The following RIMBP2 variants were observed in gnomAD, a reference collection of about 807,000 sequenced individuals.
RIMBP2 encodes RIMS binding protein 2.
Under a neutral mutation model 118.6 loss-of-function variants are expected in RIMBP2, and 48 were observed. That is an observed-to-expected ratio of 0.40 (90% confidence interval 0.32 to 0.51). The LOEUF (loss-of-function observed/expected upper bound fraction) is 0.51. RIMBP2 is among the 20% of genes least tolerant of loss of function. RIMBP2 has a pLI of 0.41. For synonymous variants in RIMBP2, 762 were observed against 742.9 expected (o/e 1.03, Z -0.42); for missense variants, 1,551 against 1,768.3 (o/e 0.88, Z 2.20).
chr12:130,414,039 T>C, intron 18 of RIMBP2, 86 bp downstream of exon 18: 1 of 1,403,006 alleles, frequency 7.1e-7, no homozygotes, highest in African/African-American at 1.4e-5. Flanking sequence ...CATCTCTAAG[T>C]CGATACCCTG....
intron 21 of RIMBP2, among the ~76,000 whole-genome samples, chr12:130,404,805 G>A (rs1327927162): frequency 6.6e-6 from 1 of 152,054 alleles, no homozygotes; most frequent in Non-Finnish European, 1.5e-5. Context: ...TTTACAAAAT[G>A]TTCCCTCCCA....
intron 3 of RIMBP2, among the ~76,000 whole-genome samples, chr12:130,508,258 C>T (rs1041066780): frequency 1.3e-5 from 2 of 151,906 alleles, no homozygotes; most frequent in Non-Finnish European, 2.9e-5. Context: ...ACACGGTGAC[C>T]AGCACCATCT....
intron 1 of RIMBP2, among the ~76,000 whole-genome samples, chr12:130,635,106 G>A (rs1341463809): frequency 1.3e-5 from 2 of 152,124 alleles, no homozygotes; most frequent in African/African-American, 4.8e-5. Context: ...CTCCTTCCAG[G>A]GTTTCTTGAG....
chr12:130,401,665 C>G (rs1038700434), intron 21 of RIMBP2, among the ~76,000 whole-genome samples: 1 of 151,934 alleles, frequency 6.6e-6, no homozygotes, highest in Admixed American at 6.6e-5. Context: ...TCTAGGCCAC[C>G]TATCCTTTTT....
intron 11 of RIMBP2, among the ~76,000 whole-genome samples, chr12:130,439,246 A>G: frequency 6.6e-6 from 1 of 151,472 alleles, no homozygotes. Flanking sequence ...ATATGTATGT[A>G]TGTATATGTA....
In RIMBP2 at chr12:130,442,952, C is replaced by T. The variant is rs543399264; in HGVS notation, c.692-292G>A. Among the ~76,000 whole-genome samples, 12 of 152,278 alleles carry T rather than the reference C, an allele frequency of 7.9e-5. No homozygotes were observed. In the East Asian group the frequency reaches 1.9e-3, roughly 25 times the overall value. On this transcript the variant is annotated intron_variant, in intron 10 of 22. Coordinates refer to ENST00000690449, the MANE Select transcript of RIMBP2 (RefSeq NM_001393629.1). This position sits in a 1 kb window ranked among gnomAD's most constrained non-coding sequence, Gnocchi z 6.9. ...GTACACTGACTACCCCCTCCCAACA[C>T]GAACAACACTCAGGGACAGCAGGGA... is the stretch of plus-strand genomic sequence containing the variant.
At chr12:130,477,906 G>T (rs1211278146) in intron 5 of RIMBP2, among the ~76,000 whole-genome samples, 3 of 152,232 alleles carry the variant, frequency 2.0e-5, no homozygotes, top group South Asian at 2.1e-4. Context: ...CACAGGGGTG[G>T]CTGCCCTGCC....
chr12:130,459,895 C>T (rs1246480839), intron 6 of RIMBP2, among the ~76,000 whole-genome samples: 1 of 152,212 alleles, frequency 6.6e-6, no homozygotes, highest in African/African-American at 2.4e-5. Flanking sequence ...GCCATAGTGG[C>T]GCTTCCCAAG....
rs191921595 is a variant in RIMBP2, at chr12:130,689,357, C to T, written c.-352+26865G>A. Among the ~76,000 whole-genome samples, 243 of 152,258 alleles carry T rather than the reference C, an allele frequency of 1.6e-3. 1 individual carries two copies. The highest frequency in any genetic ancestry group is 2.3e-3 in the Admixed American group (35 of 15,294). ...CTGAGGCAGGAGAATCGCTTGAACC[C>T]GGGAGGCGGAGGTTACAGTGAGCCA... On this transcript the variant is annotated intron_variant, in intron 1 of 22. Transcript: ENST00000690449.
rs141382791 is a variant in RIMBP2, at chr12:130,647,466, C to T, written c.-351-19010G>A. Reference sequence around the variant, plus strand: ...CCCTATAGAAGCTAAAGCATCATCACATCTGTCTCTGGGTTGTTTTTCAGA... The same window carrying T: ...CCCTATAGAAGCTAAAGCATCATCATATCTGTCTCTGGGTTGTTTTTCAGA... On this transcript the variant is annotated intron_variant, in intron 1 of 22. Coordinates refer to ENST00000690449, the MANE Select transcript of RIMBP2 (RefSeq NM_001393629.1). Among the ~76,000 whole-genome samples the T allele has an allele frequency of 7.2e-3, 997 of 137,872 alleles. 138 individuals carry two copies. The highest frequency in any genetic ancestry group is 0.035 in the South Asian group (159 of 4,558). 90.4% of individuals were successfully genotyped at this position (137,872 alleles called of 152,430 possible).
At chr12:130,653,747 C>T (rs1319452214) in intron 1 of RIMBP2, among the ~76,000 whole-genome samples, 1 of 152,246 alleles carries the variant, frequency 6.6e-6, no homozygotes, top group East Asian at 1.9e-4. Context: ...ACCAAGCCTC[C>T]TTCATGCTTG....
At chr12:130,566,962 G>T (rs1348936487) in intron 2 of RIMBP2, among the ~76,000 whole-genome samples, 6 of 152,226 alleles carry the variant, frequency 3.9e-5, no homozygotes, top group African/African-American at 1.4e-4. Context: ...CTACAGCTTC[G>T]ATGGTTAGGG....
chr12:130,557,938 A>G (rs2056504006), intron 2 of RIMBP2, among the ~76,000 whole-genome samples: 1 of 151,580 alleles, frequency 6.6e-6, no homozygotes, highest in Non-Finnish European at 1.5e-5. Context: ...GGCTCCTGCG[A>G]CCCCGGTTCC....
chr12:130,709,269 T>A (rs971172136), intron 1 of RIMBP2, among the ~76,000 whole-genome samples: 2 of 152,314 alleles, frequency 1.3e-5, no homozygotes, highest in African/African-American at 4.8e-5. Context: ...GGGCCCCAAC[T>A]GCCATTCGCT....
At chr12:130,471,690 C>T (rs1429257137) in intron 5 of RIMBP2, 1 of 152,510 alleles carries the variant, frequency 6.6e-6, no homozygotes, top group African/African-American at 2.4e-5. Context: ...ATCTGCCCTC[C>T]CTTCTGTGAG....
intron 15 of RIMBP2, chr12:130,425,935 A>G (rs1312974847): frequency 1.3e-5 from 2 of 152,370 alleles, no homozygotes; most frequent in Non-Finnish European, 2.9e-5. Flanking sequence ...ACTTGCCACA[A>G]GCCAGGTGAG....
At chr12:130,604,555 T>C (rs1454946969) in intron 2 of RIMBP2, among the ~76,000 whole-genome samples, 1 of 144,720 alleles carries the variant, frequency 6.9e-6, no homozygotes, top group Non-Finnish European at 1.5e-5. Context: ...CCATTCATGG[T>C]AAGTGCCCTA....
chr12:130,593,470 G>C (rs1038550954), intron 2 of RIMBP2, among the ~76,000 whole-genome samples: 1 of 152,200 alleles, frequency 6.6e-6, no homozygotes, highest in Admixed American at 6.5e-5. Flanking sequence ...TTGCAACTTC[G>C]ACAGGAAGAA....
intron 4 of RIMBP2, among the ~76,000 whole-genome samples, chr12:130,486,369 G>T (rs2082476642): frequency 6.6e-6 from 1 of 152,142 alleles, no homozygotes; most frequent in Admixed American, 6.5e-5. Flanking sequence ...TCCTGGAGGG[G>T]CCACGGCTCT....
Sources: allele counts gnomAD v4.1 joint callset (sites outside exome capture counted in the v4.1 genomes callset), GRCh38; gene constraint gnomAD v4.1.1; non-coding constraint Gnocchi (gnomAD v3.1); transcripts MANE v1.5; gene names NCBI Gene and HGNC (gene_info 2026-07-23, HGNC 2026-07-21).